TBC1D4: variants seen among roughly 807,000 people sequenced by gnomAD.
The protein encoded by TBC1D4 is TBC1 domain family member 4.
Under a neutral mutation model 142.5 loss-of-function variants are expected in TBC1D4, and 121 were observed. That is an observed-to-expected ratio of 0.85 (90% CI 0.73 to 0.99). The LOEUF (loss-of-function observed/expected upper bound fraction) is 0.99. Among genes scored for constraint, TBC1D4 ranks in the 50% least tolerant of loss-of-function variants. The probability of loss-of-function intolerance (pLI) is 0.00; values close to 1 mark genes in which losing one functional copy is unlikely to be tolerated. For synonymous variants in TBC1D4, 630 were observed against 628.2 expected (o/e 1.00, Z -0.04); for missense variants, 1,475 against 1,606.6 (o/e 0.92, Z 1.40).
At chr13:75,320,867 CAAAAAAAAAA>C (rs148657060) in intron 11 of TBC1D4, among the ~76,000 whole-genome samples, 184 of 84,362 alleles carry the variant, frequency 2.2e-3, no homozygotes, top group African/African-American at 8.6e-3. Context: ...ACTAAAAATA[CAAAAAAAAAA>C]AAAAAAAAAA....
chr13:75,296,882 AT>A (rs1566347314), intron 17 of TBC1D4, among the ~76,000 whole-genome samples: 1 of 152,210 alleles, frequency 6.6e-6, no homozygotes, highest in African/African-American at 2.4e-5. Flanking sequence ...GATTTTACAC[AT>A]TTTACAGATA....
At chr13:75,424,901 G>C (rs969989655) in intron 1 of TBC1D4, among the ~76,000 whole-genome samples, 5 of 152,076 alleles carry the variant, frequency 3.3e-5, no homozygotes, top group Non-Finnish European at 7.4e-5. Context: ...ATCTGAAATT[G>C]TAAAACTACC....
At chr13:75,427,721 C>T (rs574056163) in intron 1 of TBC1D4, among the ~76,000 whole-genome samples, 7 of 152,250 alleles carry the variant, frequency 4.6e-5, no homozygotes, top group African/African-American at 1.4e-4. Context: ...CTTGCAAGAT[C>T]CTGTAAGAGC....
At chr13:75,359,713 T>G in intron 3 of TBC1D4, 56 bp downstream of exon 3, 1 of 1,382,110 alleles carries the variant, frequency 7.2e-7, no homozygotes. Flanking sequence ...TATTTTATTG[T>G]TAATTCTGAA....
chr13:75,409,043 A>G (rs1054614027), intron 1 of TBC1D4, among the ~76,000 whole-genome samples: 4 of 145,010 alleles, frequency 2.8e-5, no homozygotes, highest in African/African-American at 1.1e-4. Flanking sequence ...ACACACACGC[A>G]CACACACACA....
intron 1 of TBC1D4, among the ~76,000 whole-genome samples, chr13:75,413,820 T>C (rs1461664874): frequency 6.6e-6 from 1 of 152,170 alleles, no homozygotes; most frequent in African/African-American, 2.4e-5. Context: ...ACCACAGGTG[T>C]TTGCATTTCT....
At chr13:75,353,993 C>G (rs1224896019) in intron 4 of TBC1D4, among the ~76,000 whole-genome samples, 1 of 152,190 alleles carries the variant, frequency 6.6e-6, no homozygotes, top group South Asian at 2.1e-4. Flanking sequence ...GCTGCAGCCT[C>G]TCACTCAAGT....
chr13:75,444,342 G>C (rs1365872967), intron 1 of TBC1D4, among the ~76,000 whole-genome samples: 2 of 151,992 alleles, frequency 1.3e-5, no homozygotes, highest in African/African-American at 4.8e-5. Context: ...GCCCAGACTG[G>C]TCTCAAACTC....
At chr13:75,399,531 C>T (rs1185367390) in intron 1 of TBC1D4, among the ~76,000 whole-genome samples, 2 of 125,248 alleles carry the variant, frequency 1.6e-5, no homozygotes, top group African/African-American at 3.0e-5. Flanking sequence ...ACACCCAACC[C>T]ACCTTATCTA....
At chr13:75,316,748 A>C (rs1878347742) in intron 12 of TBC1D4, among the ~76,000 whole-genome samples, 1 of 152,040 alleles carries the variant, frequency 6.6e-6, no homozygotes, top group South Asian at 2.1e-4. Flanking sequence ...CTATAACCCA[A>C]CTTGGAAACT....
At chr13:75,475,199 A>G (rs1394085452) in intron 1 of TBC1D4, among the ~76,000 whole-genome samples, 1 of 152,238 alleles carries the variant, frequency 6.6e-6, no homozygotes, top group Non-Finnish European at 1.5e-5. Flanking sequence ...AGCCAATGAC[A>G]TCCTTAGAGT....
chr13:75,394,688 T>C (rs1423795454), intron 1 of TBC1D4, among the ~76,000 whole-genome samples: 1 of 152,240 alleles, frequency 6.6e-6, no homozygotes, highest in Non-Finnish European at 1.5e-5. Flanking sequence ...AAAAAGTATG[T>C]GGTTAGCTGT....
chr13:75,387,309 C>G (rs1253782633), intron 1 of TBC1D4, among the ~76,000 whole-genome samples: 1 of 152,116 alleles, frequency 6.6e-6, no homozygotes, highest in East Asian at 1.9e-4. Context: ...ATTTTCAGAG[C>G]TTTGTCAGAT....
intron 1 of TBC1D4, among the ~76,000 whole-genome samples, chr13:75,412,031 G>C (rs1001826557): frequency 6.6e-6 from 1 of 152,140 alleles, no homozygotes; most frequent in African/African-American, 2.4e-5. Flanking sequence ...AAACAAGTTG[G>C]GGGGTAGGCC....
At chr13:75,312,424 A>AAAAAAAAAAAAAGAAAGAGAGAGAGAAAG (rs1555301657) in intron 13 of TBC1D4, among the ~76,000 whole-genome samples, 1 of 136,004 alleles carries the variant, frequency 7.4e-6, no homozygotes, top group African/African-American at 3.2e-5. Flanking sequence ...GGGAAAAAAA[A>AAAAAAAAAAAAAGAAAGAGAGAGAGAAAG]AAAGAAAGAA....
intron 8 of TBC1D4, among the ~76,000 whole-genome samples, chr13:75,330,667 T>C (rs1879671625): frequency 6.6e-6 from 1 of 152,210 alleles, no homozygotes; most frequent in South Asian, 2.1e-4. Flanking sequence ...TACTACTACA[T>C]CCCTAAACTA....
intron 5 of TBC1D4, 115 bp from the exon 6 acceptor site, chr13:75,341,702 A>C: frequency 3.7e-6 from 3 of 814,690 alleles, no homozygotes; most frequent in East Asian, 2.6e-5. Flanking sequence ...AAATCTTCTC[A>C]AGGAGACGTG....
intron 1 of TBC1D4, among the ~76,000 whole-genome samples, chr13:75,435,690 T>C (rs1886770793): frequency 6.6e-6 from 1 of 152,094 alleles, no homozygotes; most frequent in South Asian, 2.1e-4. Context: ...TAAATACCAT[T>C]CTCCACTAAA....
At chr13:75,351,757 T>C (rs1427537108) in intron 4 of TBC1D4, among the ~76,000 whole-genome samples, 1 of 152,210 alleles carries the variant, frequency 6.6e-6, no homozygotes, top group Non-Finnish European at 1.5e-5. Context: ...TCATTTTTTA[T>C]GGCTGCATAG....
Sources: allele counts gnomAD v4.1 joint callset (sites outside exome capture counted in the v4.1 genomes callset), GRCh38; gene constraint gnomAD v4.1.1; transcripts MANE v1.5; gene names NCBI Gene and HGNC (gene_info 2026-07-23, HGNC 2026-07-21).